Variants in PCDHGB4 observed in about 807,000 individuals in gnomAD.
PCDHGB4 encodes the protein protocadherin gamma subfamily B, 4.
Under a neutral mutation model 60.5 loss-of-function variants are expected in PCDHGB4, and 38 were observed. The ratio of observed to expected loss-of-function variants is 0.63; its 90% CI spans 0.48 to 0.82. The LOEUF is 0.82. PCDHGB4 is among the 40% of genes least tolerant of loss of function. The pLI is 0.00. For synonymous variants in PCDHGB4, 456 were observed against 509.7 expected (o/e 0.89, Z 1.42); for missense variants, 1,109 against 1,209.6 (o/e 0.92, Z 1.23).
intron 1 of PCDHGB4, among the ~76,000 whole-genome samples, chr5:141,472,980 C>CAAAAAAAAAAAAAAAAAGAAAAAAA (rs2099309731): frequency 1.2e-5 from 1 of 86,102 alleles, no homozygotes; most frequent in African/African-American, 3.9e-5. Flanking sequence ...GAGTGAAACT[C>CAAAAAAAAAAAAAAAAAGAAAAAAA]AAAAAAAAAA....
At chr5:141,473,988 G>C (rs1006988447) in intron 1 of PCDHGB4, among the ~76,000 whole-genome samples, 8 of 152,118 alleles carry the variant, frequency 5.3e-5, no homozygotes, top group Non-Finnish European at 4.4e-5. Context: ...AGGATCCCTT[G>C]AGCCCAAGGA....
chr5:141,420,179 T>C (rs1420076172), intron 1 of PCDHGB4: 16 of 1,614,054 alleles, frequency 9.9e-6, no homozygotes, highest in Non-Finnish European at 1.2e-5. Flanking sequence ...TGTTGATCAT[T>C]GTCCAGCCAC....
rs2099883627 is a variant in PCDHGB4, at chr5:141,511,136, G to A, written c.2735G>A (p.Gly912Asp). 4.3e-6 allele frequency: 7 copies of A among 1,614,194 alleles called. No homozygotes were observed. The East Asian group carries it at 1.6e-4, about 36-fold the overall frequency. The change falls in exon 4 of 4, where the codon GGC (glycine) becomes GAC (aspartate). Residue 912 changes from glycine (G) to aspartate (D), a missense_variant. Physicochemically the swap from Gly to Asp is moderately conservative, Grantham distance 94. This residue lies in a region of PCDHGB4 where 1,068 missense variants were observed against 1,089.9 expected (regional missense o/e 0.98). Coordinates refer to ENST00000519479, the MANE Select transcript of PCDHGB4 (RefSeq NM_003736.4). ...GGCAAGGCCCCAGCAGGTGGCAATG[G>A]CAACAAGAAGAAGTCGGGCAAGAAG... Reference protein sequence around the residue: ...RDGKAPAGGNGNKKKSGKKEK... With the variant: ...RDGKAPAGGNDNKKKSGKKEK...
At chr5:141,424,055 C>T (rs2096796946) in intron 1 of PCDHGB4, 1 of 1,007,784 alleles carries the variant, frequency 9.9e-7, no homozygotes. Flanking sequence ...TTTTGCTGTG[C>T]CTTCACTGAT....
intron 1 of PCDHGB4, chr5:141,403,105 C>G (rs1226095779): frequency 6.2e-7 from 1 of 1,614,056 alleles, no homozygotes; most frequent in East Asian, 2.2e-5. Context: ...TCTCCAAGGA[C>G]CTGGCTCTGG....
At position 141,511,032 on chromosome 5, in the gene PCDHGB4, G is replaced by T. The variant is rs779589499; in HGVS notation, c.2631G>T (p.Gln877His). 6.2e-7 allele frequency: 1 copy of T among 1,614,228 alleles called. No individual in the cohort carries two copies. Among genetic ancestry groups the T allele is most frequent in the South Asian group, 1.1e-5 (1 of 91,090 alleles). ...GCTACGGACCCCAGTTCACCCTGCAGCACGTGCCCGACTACCGCCAGAATG... is the reference window on the plus strand; with the variant it reads ...GCTACGGACCCCAGTTCACCCTGCATCACGTGCCCGACTACCGCCAGAATG... ...SARYGPQFTLQHVPDYRQNVY... is the reference protein window; with the variant it reads ...SARYGPQFTLHHVPDYRQNVY... Residue 877 changes from glutamine (Q) to histidine (H), a missense_variant, in exon 4 of 4, where the codon CAG (glutamine) becomes CAT (histidine). Gln to His is a conservative substitution (Grantham distance 24, BLOSUM62 0). Coordinates refer to ENST00000519479, the MANE Select transcript of PCDHGB4 (RefSeq NM_003736.4).
chr5:141,418,810 A>G lies in PCDHGB4; in HGVS notation c.2397+28529A>G, dbSNP rs149866479. The G allele has an allele frequency of 4.9e-3, 7,975 of 1,613,892 alleles. 44 individuals carry two copies. Among genetic ancestry groups the G allele is most frequent in the Admixed American group, 9.4e-3 (567 of 60,018 alleles). On this transcript the variant is annotated intron_variant, in intron 1 of 3. Coordinates refer to ENST00000519479, the MANE Select transcript of PCDHGB4 (RefSeq NM_003736.4). ...TTGAAGAAGTAGAAAGATATACGAT[A>G]AACATAGAAGCAAAAGACCGAGGAT...
intron 1 of PCDHGB4, among the ~76,000 whole-genome samples, chr5:141,481,049 C>A (rs1165894624): frequency 1.3e-5 from 2 of 152,096 alleles, no homozygotes; most frequent in Non-Finnish European, 2.9e-5. Context: ...CAGAGCGAGA[C>A]TCCACCTCAA....
At chr5:141,406,070 T>A (rs1451280596) in intron 1 of PCDHGB4, among the ~76,000 whole-genome samples, 1 of 136,270 alleles carries the variant, frequency 7.3e-6, no homozygotes, top group Admixed American at 7.2e-5. Flanking sequence ...AAATTCTTAC[T>A]CCTTTTTTTT....
chr5:141,485,826 G>A lies in PCDHGB4; in HGVS notation c.2398-8981G>A. The A allele has an allele frequency of 6.2e-7, 1 of 1,614,070 alleles. No individual in the cohort carries two copies. Among genetic ancestry groups the A allele is most frequent in the South Asian group, 1.1e-5 (1 of 91,078 alleles). Reference sequence around the variant, plus strand: ...CTGGTGCTGACTGCTGTCGATGGAGGGAACCCGCCGAGATCTGGCACCGCA... The same window carrying A: ...CTGGTGCTGACTGCTGTCGATGGAGAGAACCCGCCGAGATCTGGCACCGCA... On this transcript the variant is annotated intron_variant, in intron 1 of 3. Transcript: ENST00000519479. The surrounding 1 kb of genome is among the most constrained non-coding windows in gnomAD (Gnocchi z 5.7).
chr5:141,481,071 A>G (rs887828386), intron 1 of PCDHGB4, among the ~76,000 whole-genome samples: 19 of 152,172 alleles, frequency 1.2e-4, no homozygotes, highest in African/African-American at 4.6e-4. Context: ...AACAAAAAGA[A>G]AGAAAGAAAA....
intron 1 of PCDHGB4, chr5:141,393,556 G>A (rs758148175): frequency 5.6e-6 from 9 of 1,613,916 alleles, no homozygotes; most frequent in East Asian, 2.2e-5. Flanking sequence ...CCGATTTACC[G>A]AGTGAAAGTC....
chr5:141,492,602 C>G (rs1352851783), intron 1 of PCDHGB4, among the ~76,000 whole-genome samples: 2 of 152,222 alleles, frequency 1.3e-5, no homozygotes, highest in Non-Finnish European at 2.9e-5. Flanking sequence ...GAGCGACTGC[C>G]GCTCTAAGTG....
Position 141,491,166 on chromosome 5 carries a change from G to A in PCDHGB4, c.2398-3641G>A. 1 of 1,614,150 alleles carries A rather than the reference G, an allele frequency of 6.2e-7. No individual in the cohort carries two copies. The highest frequency in any genetic ancestry group is 8.5e-7 in the Non-Finnish European group (1 of 1,179,964). ...TACTGGAGGATGACTCTGACACCCA[G>A]CAGGTGGTGGTCCTGGTGAGGGACA... On this transcript the variant is annotated intron_variant, in intron 1 of 3. Transcript: ENST00000519479. The surrounding 1 kb of genome is among the most constrained non-coding windows in gnomAD (Gnocchi z 6.9).
intron 1 of PCDHGB4, among the ~76,000 whole-genome samples, chr5:141,451,073 C>A (rs1346074089): frequency 6.6e-6 from 1 of 151,958 alleles, no homozygotes; most frequent in Non-Finnish European, 1.5e-5. Flanking sequence ...TGTGATCCAC[C>A]CACCTTGACC....
At chr5:141,410,532 A>G in intron 1 of PCDHGB4, 1 of 1,613,908 alleles carries the variant, frequency 6.2e-7, no homozygotes, top group Non-Finnish European at 8.5e-7. Context: ...CATTCCAATG[A>G]AGACATGGTT....
intron 1 of PCDHGB4, among the ~76,000 whole-genome samples, chr5:141,481,869 G>A (rs909237712): frequency 4.1e-5 from 6 of 146,780 alleles, no homozygotes; most frequent in East Asian, 2.0e-4. Flanking sequence ...AGCCGAGATC[G>A]CGCCACTGCA....
At chr5:141,433,321 G>T in intron 1 of PCDHGB4, 1 of 788,106 alleles carries the variant, frequency 1.3e-6, no homozygotes. Flanking sequence ...TGCCTCCGGT[G>T]TAACAGGGAC....
In PCDHGB4 at chr5:141,476,850, A is replaced by G. The variant is rs747333239; in HGVS notation, c.2398-17957A>G. The G allele has an allele frequency of 1.2e-6, 2 of 1,613,836 alleles. No individual in the cohort carries two copies. Among genetic ancestry groups the G allele is most frequent in the Admixed American group, 3.3e-5 (2 of 60,030 alleles). ...GCGAATGACAATGCGCCTGTCTTCA[A>G]CCAGTCCTTGTACCGGGCGCGCGTC... is the stretch of plus-strand genomic sequence containing the variant. On this transcript the variant is annotated intron_variant, in intron 1 of 3. Transcript: ENST00000519479. The surrounding 1 kb of genome is among the most constrained non-coding windows in gnomAD (Gnocchi z 7.6).
Sources: allele counts gnomAD v4.1 joint callset (sites outside exome capture counted in the v4.1 genomes callset), GRCh38; gene constraint gnomAD v4.1.1; regional missense constraint gnomAD v4.1.1; non-coding constraint Gnocchi (gnomAD v3.1); transcripts MANE v1.5; gene names NCBI Gene and HGNC (gene_info 2026-07-23, HGNC 2026-07-21).